Variants in REG4 observed in about 807,000 individuals in gnomAD.
REG4 encodes regenerating family member 4.
In REG4, 16 loss-of-function variants were observed where a neutral mutation model predicts 22.3. That is an observed-to-expected ratio of 0.72 (90% confidence interval 0.49 to 1.09). REG4 has a LOEUF of 1.09. Ranked by LOEUF, REG4 falls within the 50% of genes least tolerant of loss-of-function variation. The pLI is 0.00. For missense variants in REG4, 214 were observed against 193.9 expected (o/e 1.10, Z -0.61); for synonymous variants, 71 against 69.2 (o/e 1.03, Z -0.13).
chr1:119,798,524 G>A lies in REG4; in HGVS notation c.382C>T (p.His128Tyr), dbSNP rs1231374054. The A allele has an allele frequency of 4.3e-6, 7 of 1,614,076 alleles. No homozygotes were observed. Among genetic ancestry groups the A allele is most frequent in the Non-Finnish European group, 5.9e-6 (7 of 1,179,924 alleles). The change falls in exon 5 of 6, where the codon CAC becomes TAC. Residue 128 changes from histidine to tyrosine, a missense_variant. His to Tyr is a moderately conservative substitution (Grantham distance 83). Coordinates refer to ENST00000256585, the MANE Select transcript of REG4 (RefSeq NM_032044.4). ...TTATTGGAGCTCATCTCAGCACAGT[G>A]CTTGTTCCCACCCATGGACTTGCCA... ...WSGKSMGGNKHCAEMSSNNNF... is the reference protein window; with the variant it reads ...WSGKSMGGNKYCAEMSSNNNF...
intron 3 of REG4, chr1:119,802,790 T>C: frequency 6.7e-7 from 1 of 1,483,624 alleles, no homozygotes; most frequent in Non-Finnish European, 8.9e-7. Flanking sequence ...TCTGTCTCCT[T>C]TACTGACAGT....
At chr1:119,807,284 A>T (rs751508288) in intron 2 of REG4, among the ~76,000 whole-genome samples, 2 of 152,248 alleles carry the variant, frequency 1.3e-5, no homozygotes, top group Non-Finnish European at 2.9e-5. Context: ...AACATTTAGG[A>T]TATGTCATAA....
chr1:119,803,399 C>G (rs1654185377), intron 2 of REG4, among the ~76,000 whole-genome samples: 1 of 152,146 alleles, frequency 6.6e-6, no homozygotes, highest in Admixed American at 6.5e-5. Flanking sequence ...TGCCTCTGAA[C>G]AGACATTAAT....
intron 5 of REG4, among the ~76,000 whole-genome samples, chr1:119,795,143 C>A (rs1209701992): frequency 1.3e-5 from 2 of 152,208 alleles, no homozygotes; most frequent in Admixed American, 6.5e-5. Context: ...ATATATACAT[C>A]CAACTACTTC....
intron 5 of REG4, 54 bp from the exon 6 acceptor site, chr1:119,794,739 C>A: frequency 6.7e-7 from 1 of 1,501,424 alleles, no homozygotes; most frequent in South Asian, 1.1e-5. Flanking sequence ...CTGAGCTTGC[C>A]AGAGTTATCT....
At position 119,794,204 on chromosome 1, in the gene REG4, G is replaced by A. The variant is rs774958600; in HGVS notation, c.*414C>T. 1.9e-6 allele frequency: 1 copy of A among 537,210 alleles called. No homozygotes were observed. Among genetic ancestry groups the A allele is most frequent in the Non-Finnish European group, 3.8e-6 (1 of 262,646 alleles). 33.3% of individuals were successfully genotyped at this position (537,210 alleles called of 1,614,324 possible). On this transcript the variant is annotated 3_prime_UTR_variant, in exon 6 of 6. Transcript: ENST00000256585. The stretch of plus-strand genomic sequence containing the variant: ...CAAGCAGGAGTTGAGTGGCTGGGGT[G>A]GGGTGCAGGCAATGGAGAGAGGGCA...
chr1:119,806,876 C>T (rs952440476), intron 2 of REG4, among the ~76,000 whole-genome samples: 1 of 152,198 alleles, frequency 6.6e-6, no homozygotes, highest in African/African-American at 2.4e-5. Flanking sequence ...CTTGTCTGTA[C>T]AGTGGGATCA....
At chr1:119,800,979 T>G (rs974219940) in intron 3 of REG4, among the ~76,000 whole-genome samples, 5 of 152,202 alleles carry the variant, frequency 3.3e-5, no homozygotes, top group Non-Finnish European at 7.3e-5. Flanking sequence ...CGATCCCCAA[T>G]TTTTCCTTCT....
Position 119,794,704 on chromosome 1 carries a change from A to G in REG4, c.410-19T>C, listed in dbSNP as rs747626895. 3 of 1,611,130 alleles carry G rather than the reference A, an allele frequency of 1.9e-6. No homozygotes were observed. Among genetic ancestry groups the G allele is most frequent in the South Asian group, 1.1e-5 (1 of 91,026 alleles). ...AAAAAGTCTGTAAGAAAATAAACAGATATTTAAATCCATTCAGTACTATAC... is the reference window on the plus strand; with the variant it reads ...AAAAAGTCTGTAAGAAAATAAACAGGTATTTAAATCCATTCAGTACTATAC... On this transcript the variant is annotated intron_variant, in intron 5 of 5. Transcript: ENST00000256585.
Position 119,794,137 on chromosome 1 carries a change from C to G in REG4, c.*481G>C. On this transcript the variant is annotated 3_prime_UTR_variant, in exon 6 of 6. Transcript: ENST00000256585. ...GAATGTATGGCCCACATCAACCTAG[C>G]AAGGATTCTACTGGTAAACCTTCCC... 1 of 533,940 alleles carries G rather than the reference C, an allele frequency of 1.9e-6. No individual in the cohort carries two copies. Among genetic ancestry groups the G allele is most frequent in the South Asian group, 1.4e-5 (1 of 71,572 alleles). The allele number at this position is 533,940 out of a possible 1,614,324, so 33.1% of individuals were successfully genotyped here.
At position 119,797,887 on chromosome 1, in the gene REG4, C is replaced by T. The variant is rs587764576; in HGVS notation, c.409+610G>A. Among the ~76,000 whole-genome samples, 8 of 152,176 alleles carry T rather than the reference C, an allele frequency of 5.3e-5. No individual in the cohort carries two copies. In the East Asian group the frequency reaches 1.5e-3, roughly 29 times the overall value. On this transcript the variant is annotated intron_variant, in intron 5 of 5. Transcript: ENST00000256585. ...CCCCCACAACCAAGAAGTATCCAGC[C>T]CAAGATGTCACCAGTATGAATGCTG...
At chr1:119,806,603 C>T (rs1654326541) in intron 2 of REG4, among the ~76,000 whole-genome samples, 1 of 152,190 alleles carries the variant, frequency 6.6e-6, no homozygotes, top group African/African-American at 2.4e-5. Context: ...AAGAGAACCT[C>T]CTCACAGGGG....
At chr1:119,804,606 C>T (rs1211514374) in intron 2 of REG4, among the ~76,000 whole-genome samples, 1 of 152,238 alleles carries the variant, frequency 6.6e-6, no homozygotes, top group Non-Finnish European at 1.5e-5. Flanking sequence ...TCTTCTACTA[C>T]ATTCATAAAC....
chr1:119,803,144 C>G lies in REG4; in HGVS notation c.89G>C (p.Cys30Ser), dbSNP rs1317209478. ...CTTGTGGTAAAACCATCCAGGAGCA[C>G]AGCTGGGTCTCATGATGATATCTGC... ...VLGDIIMRPSCAPGWFYHKSN... is the reference protein window; with the variant it reads ...VLGDIIMRPSSAPGWFYHKSN... Residue 30 changes from cysteine (C) to serine (S), a missense_variant, in exon 3 of 6, where the codon TGT becomes TCT. Cys to Ser is a moderately radical substitution (Grantham distance 112, BLOSUM62 -1). Coordinates refer to ENST00000256585, the MANE Select transcript of REG4 (RefSeq NM_032044.4). 7 of 1,523,942 alleles carry G rather than the reference C, an allele frequency of 4.6e-6. No individual in the cohort carries two copies. The African/African-American group carries it at 7.0e-5, about 15-fold the overall frequency. 94.4% of individuals were successfully genotyped at this position (1,523,942 alleles called of 1,614,324 possible). A position where few individuals can be genotyped will look rare whatever the true frequency, so the allele number is the denominator to read the frequency against.
At position 119,794,704 on chromosome 1, in the gene REG4, A is replaced by T. The variant is rs747626895; in HGVS notation, c.410-19T>A. On this transcript the variant is annotated intron_variant, in intron 5 of 5. Coordinates refer to ENST00000256585, the MANE Select transcript of REG4 (RefSeq NM_032044.4). ...AAAAAGTCTGTAAGAAAATAAACAG[A>T]TATTTAAATCCATTCAGTACTATAC... 2.5e-6 allele frequency: 4 copies of T among 1,611,132 alleles called. No individual in the cohort carries two copies. The African/African-American group carries it at 5.3e-5, about 22-fold the overall frequency.
chr1:119,795,277 C>T (rs1258038590), intron 5 of REG4, among the ~76,000 whole-genome samples: 1 of 152,160 alleles, frequency 6.6e-6, no homozygotes, highest in Admixed American at 6.5e-5. Context: ...CAGGGGTTGA[C>T]ATGAATCAAC....
At chr1:119,795,982 A>G (rs761848858) in intron 5 of REG4, among the ~76,000 whole-genome samples, 1 of 152,236 alleles carries the variant, frequency 6.6e-6, no homozygotes, top group Non-Finnish European at 1.5e-5. Context: ...ATAGGCACTA[A>G]GCAAGAGGTC....
chr1:119,804,098 G>C (rs1435866274), intron 2 of REG4, among the ~76,000 whole-genome samples: 1 of 152,208 alleles, frequency 6.6e-6, no homozygotes, highest in East Asian at 1.9e-4. Context: ...AGGTGATCAA[G>C]GGGATGTCAA....
At chr1:119,801,010 T>G (rs1199414458) in intron 3 of REG4, among the ~76,000 whole-genome samples, 1 of 152,234 alleles carries the variant, frequency 6.6e-6, no homozygotes, top group African/African-American at 2.4e-5. Context: ...AAGTGCTGTC[T>G]TCTTTCATAT....
Sources: gnomAD v4.1 joint callset for allele counts (sites outside exome capture counted in the v4.1 genomes callset) on GRCh38, gnomAD v4.1.1 for gene constraint, MANE v1.5 for transcripts, NCBI Gene and HGNC (gene_info 2026-07-23, HGNC 2026-07-21) for gene names.